KICS2: variants seen among roughly 807,000 people sequenced by gnomAD.
KICS2 encodes the protein KICSTOR complex protein C12orf66.
In KICS2, 13 loss-of-function variants were observed where a neutral mutation model predicts 31.4. The observed-to-expected ratio is 0.41, with a 90% confidence interval of 0.27 to 0.66. The LOEUF is 0.66. KICS2 is among the 30% of genes least tolerant of loss of function. The probability of loss-of-function intolerance (pLI) is 0.28; values close to 1 mark genes in which losing one functional copy is unlikely to be tolerated. For missense variants in KICS2, 455 were observed against 545.4 expected, an observed-to-expected ratio of 0.83 and a Z score of 1.65; for synonymous variants, 209 against 214.8, an observed-to-expected ratio of 0.97 and a Z score of 0.24.
At chr12:64,218,988 C>G (rs2136709122) in intron 1 of KICS2, among the ~76,000 whole-genome samples, 1 of 152,260 alleles carries the variant, frequency 6.6e-6, no homozygotes, top group African/African-American at 2.4e-5. Flanking sequence ...TGCTGGAAAA[C>G]AAGGAATCAG....
At chr12:64,187,558 A>G, downstream of KICS2, 12 of 1,373,938 alleles carry the variant, frequency 8.7e-6, no homozygotes, top group Non-Finnish European at 1.1e-5. Flanking sequence ...AGAAATGCAC[A>G]TCAAGCCTAT....
intron 2 of KICS2, among the ~76,000 whole-genome samples, chr12:64,202,325 C>A (rs530598427): frequency 1.3e-5 from 2 of 152,102 alleles, no homozygotes; most frequent in East Asian, 3.9e-4. Flanking sequence ...GTGGGAAGAT[C>A]ACCTGAGCCC....
intron 2 of KICS2, among the ~76,000 whole-genome samples, chr12:64,213,087 C>CAAAAAAA (rs1235001391): frequency 7.2e-5 from 5 of 69,154 alleles, no homozygotes; most frequent in African/African-American, 2.9e-4. Flanking sequence ...GAGACAAACT[C>CAAAAAAA]AAAAAAAAAA....
downstream of KICS2, among the ~76,000 whole-genome samples, chr12:64,190,292 A>G (rs1030170539): frequency 2.0e-5 from 3 of 152,220 alleles, no homozygotes; most frequent in Non-Finnish European, 4.4e-5. Flanking sequence ...CCATCCTAAC[A>G]GTAACCTTTG....
intron 1 of KICS2, chr12:64,221,349 T>A: frequency 6.6e-6 from 1 of 152,384 alleles, no homozygotes; most frequent in East Asian, 1.9e-4. Context: ...TTCCTTCTCA[T>A]CTACTTATAC....
At chr12:64,204,486 G>A (rs1391676045) in intron 2 of KICS2, among the ~76,000 whole-genome samples, 1 of 152,138 alleles carries the variant, frequency 6.6e-6, no homozygotes, top group Non-Finnish European at 1.5e-5. Flanking sequence ...ATTTTAGAAT[G>A]AACACTAAGA....
Position 64,194,360 on chromosome 12 carries a change from G to T in KICS2, c.820C>A (p.His274Asn). ...GTCGTTTGTCGGCTCAGAGCCTCAT[G>T]AAAGTAAAAGCTAAACTTGGCAAGA... Reference protein sequence around the residue: ...MLLAKFSFYFHEALSRQTTAS... With the variant: ...MLLAKFSFYFNEALSRQTTAS... The change falls in exon 3 of 3, where the codon CAT becomes AAT. Residue 274 changes from histidine to asparagine, a missense_variant. Coordinates refer to ENST00000398055, the MANE Select transcript of KICS2 (RefSeq NM_152440.5). The T allele has an allele frequency of 6.2e-7, 1 of 1,614,206 alleles. No homozygotes were observed. Among genetic ancestry groups the T allele is most frequent in the Non-Finnish European group, 8.5e-7 (1 of 1,180,048 alleles).
rs534953049 is a variant in KICS2 at position 64,191,808 on chromosome 12, C to T, written c.*2034G>A. Reference sequence around the variant, plus strand: ...AAAGAAAGGAGGCCAGGTGCAGTGGCACATGCTTATAAACCCAGTGCTTTG... The same window carrying T: ...AAAGAAAGGAGGCCAGGTGCAGTGGTACATGCTTATAAACCCAGTGCTTTG... On this transcript the variant is annotated 3_prime_UTR_variant, in exon 3 of 3. Coordinates refer to ENST00000398055, the MANE Select transcript of KICS2 (RefSeq NM_152440.5). 6.6e-6 allele frequency: 1 copy of T among 152,166 alleles called. No individual in the cohort carries two copies. Among genetic ancestry groups the T allele is most frequent in the African/African-American group, 2.4e-5 (1 of 41,534 alleles). 9.4% of individuals were successfully genotyped at this position (152,166 alleles called of 1,614,324 possible).
intron 2 of KICS2, among the ~76,000 whole-genome samples, chr12:64,202,942 T>C (rs181249997): frequency 2.6e-5 from 4 of 152,268 alleles, no homozygotes; most frequent in South Asian, 2.1e-4. Flanking sequence ...TCTTCAGGTC[T>C]CCTCGTCAGT....
intron 2 of KICS2, among the ~76,000 whole-genome samples, chr12:64,205,879 A>G (rs2037535401): frequency 6.6e-6 from 1 of 151,792 alleles, no homozygotes; most frequent in Non-Finnish European, 1.5e-5. Flanking sequence ...ACTCCACTTT[A>G]GAAACACTGC....
chr12:64,216,011 G>A (rs769536840), intron 1 of KICS2, 48 bp from the exon 2 acceptor site: 88 of 1,510,244 alleles, frequency 5.8e-5, no homozygotes, highest in Non-Finnish European at 6.9e-5. Flanking sequence ...AGGAGAAACC[G>A]TAAGTACCAA....
intron 2 of KICS2, among the ~76,000 whole-genome samples, chr12:64,207,932 A>T (rs2037554068): frequency 6.6e-6 from 1 of 152,232 alleles, no homozygotes; most frequent in African/African-American, 2.4e-5. Flanking sequence ...TATGAGGAAC[A>T]TATTGAGTAT....
Position 64,194,275 on chromosome 12 carries a change from G to T in KICS2, c.905C>A (p.Ser302Tyr). 6.2e-7 allele frequency: 1 copy of T among 1,614,148 alleles called. No homozygotes were observed. Among genetic ancestry groups the T allele is most frequent in the East Asian group, 2.2e-5 (1 of 44,884 alleles). The change falls in exon 3 of 3, where the codon TCC becomes TAC. Residue 302 changes from serine (S) to tyrosine (Y), a missense_variant. Physicochemically the swap from Ser to Tyr is moderately radical, Grantham distance 144. Coordinates refer to ENST00000398055, the MANE Select transcript of KICS2 (RefSeq NM_152440.5). Reference protein sequence around the residue: ...KANPDFFGKISSFIRKYDAAN... With the variant: ...KANPDFFGKIYSFIRKYDAAN... ...AGCATCATATTTTCTGATGAAGCTG[G>T]AAATCTTTCCAAAAAAGTCTGGGTT...
downstream of KICS2, among the ~76,000 whole-genome samples, chr12:64,189,695 C>A (rs1271820270): frequency 1.3e-5 from 2 of 151,786 alleles, no homozygotes; most frequent in Admixed American, 1.3e-4. Flanking sequence ...ACACCACAGA[C>A]AGTAAGCATA....
In KICS2 at chr12:64,215,911, T is replaced by C; in HGVS notation, c.288A>G (p.Ser96=). The change falls in exon 2 of 3, where the codon TCA becomes TCG. Residue 96 remains serine, a synonymous_variant. Coordinates refer to ENST00000398055, the MANE Select transcript of KICS2 (RefSeq NM_152440.5). ...CCACCTTCTTCAGCTCATTATGCAA[T>C]GAAGTATAGATGGTGCGGATGGAAT... ...RKDSIRTIYT[S]LHNELKKVVT... The C allele has an allele frequency of 6.2e-7, 1 of 1,613,962 alleles. No homozygotes were observed. The highest frequency in any genetic ancestry group is 8.5e-7 in the Non-Finnish European group (1 of 1,179,996).
At chr12:64,217,536 T>C (rs998993389) in intron 1 of KICS2, among the ~76,000 whole-genome samples, 3 of 151,198 alleles carry the variant, frequency 2.0e-5, no homozygotes, top group Admixed American at 2.0e-4. Flanking sequence ...TGGTGGCTCA[T>C]GCCTGTAATA....
chr12:64,221,927 C>T, intron 1 of KICS2, 76 bp downstream of exon 1: 6 of 1,463,204 alleles, frequency 4.1e-6, no homozygotes, highest in Non-Finnish European at 4.6e-6. Flanking sequence ...AGACGGGAAA[C>T]CCAAGCCACT....
At chr12:64,217,181 T>C (rs2037637264) in intron 1 of KICS2, among the ~76,000 whole-genome samples, 1 of 152,206 alleles carries the variant, frequency 6.6e-6, no homozygotes, top group South Asian at 2.1e-4. Context: ...CCCAGGACTT[T>C]CCAGGTTTTA....
At chr12:64,202,119 T>C (rs963458243) in intron 2 of KICS2, among the ~76,000 whole-genome samples, 2 of 152,210 alleles carry the variant, frequency 1.3e-5, no homozygotes, top group African/African-American at 2.4e-5. Context: ...ATAAAAGTTT[T>C]TGACGCTGGG....
Sources: gnomAD v4.1 joint callset for allele counts (sites outside exome capture counted in the v4.1 genomes callset) on GRCh38, gnomAD v4.1.1 for gene constraint, MANE v1.5 for transcripts, NCBI Gene and HGNC (gene_info 2026-07-23, HGNC 2026-07-21) for gene names.